HIVEP3: variants seen among roughly 807,000 people sequenced by gnomAD.
HIVEP3 encodes the protein transcription factor HIVEP3.
Under a neutral mutation model 152.8 loss-of-function variants are expected in HIVEP3, and 49 were observed. The ratio of observed to expected loss-of-function variants is 0.32; its 90% CI spans 0.26 to 0.41. HIVEP3 has a LOEUF of 0.41. Ranked by LOEUF, HIVEP3 falls within the 10% of genes least tolerant of loss-of-function variation. HIVEP3 has a pLI of 1.00. For missense variants in HIVEP3, 2,790 were observed against 3,103.3 expected (o/e 0.90, Z 2.40); for synonymous variants, 1,269 against 1,289.0 (o/e 0.98, Z 0.33).
Position 41,584,578 on chromosome 1 carries a change from T to C in HIVEP3, c.220A>G (p.Thr74Ala). Residue 74 changes from threonine to alanine, a missense_variant, in exon 4 of 9, where the codon ACG (threonine) becomes GCG (alanine). By Grantham distance (58) the Thr-to-Ala change is moderately conservative. Transcript: ENST00000372583. The surrounding 1 kb of genome is among the most constrained non-coding windows in gnomAD (Gnocchi z 5.2). ...SVLREGSQEK[T>A]GQQQKPPKRP... ...TTGGGGGGCTTCTGCTGCTGGCCCG[T>C]TTTCTCCTGAGAGCCTTCCCTAAGA... 6.2e-7 allele frequency: 1 copy of C among 1,613,830 alleles called. No individual in the cohort carries two copies. Among genetic ancestry groups the C allele is most frequent in the East Asian group, 2.2e-5 (1 of 44,870 alleles).
chr1:41,545,812 C>T (rs549146796), intron 5 of HIVEP3, among the ~76,000 whole-genome samples: 16 of 151,076 alleles, frequency 1.1e-4, no homozygotes, highest in Non-Finnish European at 1.5e-5. Flanking sequence ...ATCACCACCA[C>T]CACCACCACC....
At chr1:42,001,290 G>A (rs1645426460) in intron 1 of HIVEP3, among the ~76,000 whole-genome samples, 1 of 152,238 alleles carries the variant, frequency 6.6e-6, no homozygotes, top group Admixed American at 6.5e-5. Flanking sequence ...GCATAAGTCT[G>A]TCCGCGTAGC....
chr1:41,680,206 T>C (rs1052468382), intron 2 of HIVEP3, among the ~76,000 whole-genome samples: 1 of 152,202 alleles, frequency 6.6e-6, no homozygotes, highest in Admixed American at 6.5e-5. Context: ...CAACCAGGCC[T>C]GACATTGGGC....
At chr1:41,767,600 G>T (rs1158955663) in intron 1 of HIVEP3, among the ~76,000 whole-genome samples, 1 of 152,182 alleles carries the variant, frequency 6.6e-6, no homozygotes, top group African/African-American at 2.4e-5. Context: ...CAGGACTCAT[G>T]GAATCTTAGC....
chr1:42,020,453 G>C (rs1297531045), intron 1 of HIVEP3, among the ~76,000 whole-genome samples: 17 of 149,764 alleles, frequency 1.1e-4, no homozygotes, highest in Non-Finnish European at 1.5e-5. Context: ...CAGGTTTTTT[G>C]GAATTTGTTT....
intron 1 of HIVEP3, among the ~76,000 whole-genome samples, chr1:41,853,810 G>C (rs1557449011): frequency 6.6e-6 from 1 of 152,130 alleles, no homozygotes; most frequent in African/African-American, 2.4e-5. Flanking sequence ...AACTCACCAA[G>C]GCGAACCTGC....
intron 5 of HIVEP3, among the ~76,000 whole-genome samples, chr1:41,565,294 C>T (rs1644143269): frequency 6.6e-6 from 1 of 151,900 alleles, no homozygotes; most frequent in Non-Finnish European, 1.5e-5. Context: ...AGCTGAGAAG[C>T]CAAGTCATGG....
intron 1 of HIVEP3, among the ~76,000 whole-genome samples, chr1:41,706,557 C>G (rs1646436791): frequency 6.6e-6 from 1 of 152,232 alleles, no homozygotes; most frequent in Non-Finnish European, 1.5e-5. Flanking sequence ...GCTGGGATTA[C>G]AGGCGTAAGC....
At chr1:41,932,016 T>C (rs921634818) in intron 1 of HIVEP3, among the ~76,000 whole-genome samples, 1 of 151,906 alleles carries the variant, frequency 6.6e-6, no homozygotes, top group African/African-American at 2.4e-5. Context: ...CATCTTGCAT[T>C]GTTTTTTATC....
intron 1 of HIVEP3, among the ~76,000 whole-genome samples, chr1:41,858,670 T>C (rs1009551824): frequency 6.6e-6 from 1 of 152,172 alleles, no homozygotes; most frequent in African/African-American, 2.4e-5. Flanking sequence ...CCATAGAGCT[T>C]ACAATCCAGC....
At chr1:41,778,008 T>G (rs1320206705) in intron 1 of HIVEP3, among the ~76,000 whole-genome samples, 2 of 152,262 alleles carry the variant, frequency 1.3e-5, no homozygotes, top group African/African-American at 4.8e-5. Context: ...AGCAACTATG[T>G]GCCAGTCACT....
At chr1:41,588,683 G>A (rs1399926847) in intron 3 of HIVEP3, among the ~76,000 whole-genome samples, 1 of 152,168 alleles carries the variant, frequency 6.6e-6, no homozygotes, top group Non-Finnish European at 1.5e-5. Context: ...ACTTCTGAGT[G>A]GGGAGCAAAA....
At chr1:41,885,085 G>T (rs560719612) in intron 1 of HIVEP3, among the ~76,000 whole-genome samples, 1 of 152,296 alleles carries the variant, frequency 6.6e-6, no homozygotes, top group South Asian at 2.1e-4. Context: ...TGAGAACCAT[G>T]TTCCAGTCTC....
intron 1 of HIVEP3, among the ~76,000 whole-genome samples, chr1:41,841,579 G>A (rs576172032): frequency 1.3e-5 from 2 of 152,210 alleles, no homozygotes; most frequent in South Asian, 2.1e-4. Context: ...AGAGGGGAAC[G>A]GCCTGTGTGC....
chr1:41,996,113 T>C (rs1447429469), intron 1 of HIVEP3, among the ~76,000 whole-genome samples: 1 of 151,810 alleles, frequency 6.6e-6, no homozygotes, highest in Non-Finnish European at 1.5e-5. Context: ...AGAGCTGGGG[T>C]CCAGAGGCAG....
intron 5 of HIVEP3, among the ~76,000 whole-genome samples, chr1:41,530,555 G>A (rs773663836): frequency 6.6e-6 from 1 of 152,118 alleles, no homozygotes; most frequent in Non-Finnish European, 1.5e-5. Flanking sequence ...TGGAAGCCCC[G>A]CAACCTCCTG....
intron 1 of HIVEP3, among the ~76,000 whole-genome samples, chr1:41,748,552 A>G (rs894049160): frequency 1.3e-5 from 2 of 152,190 alleles, no homozygotes; most frequent in African/African-American, 4.8e-5. Flanking sequence ...TCATGGCAAC[A>G]ATAAGGGCGG....
At chr1:41,599,836 A>T (rs1371177267) in intron 3 of HIVEP3, among the ~76,000 whole-genome samples, 1 of 152,214 alleles carries the variant, frequency 6.6e-6, no homozygotes, top group Non-Finnish European at 1.5e-5. Context: ...CTGATAAGGG[A>T]TTAACATGCA....
At chr1:41,837,544 T>C (rs1570639032) in intron 1 of HIVEP3, among the ~76,000 whole-genome samples, 1 of 152,156 alleles carries the variant, frequency 6.6e-6, no homozygotes, top group East Asian at 1.9e-4. Context: ...CAGGCTGGTC[T>C]CCAACTCCCG....
Sources: gnomAD v4.1 joint callset for allele counts (sites outside exome capture counted in the v4.1 genomes callset) on GRCh38, gnomAD v4.1.1 for gene constraint, Gnocchi (gnomAD v3.1) non-coding constraint, MANE v1.5 for transcripts, NCBI Gene and HGNC (gene_info 2026-07-23, HGNC 2026-07-21) for gene names.